CSMD1: variants seen among roughly 807,000 people sequenced by gnomAD.
CSMD1 encodes the protein CUB and Sushi multiple domains 1.
A neutral mutation model predicts 417.5 loss-of-function variants in CSMD1; 213 were observed. That is an observed-to-expected ratio of 0.51 (90% CI 0.46 to 0.57). CSMD1 has a LOEUF of 0.57. Among genes scored for constraint, CSMD1 ranks in the 20% least tolerant of loss-of-function variants. The pLI is 0.00. For synonymous variants in CSMD1, 2,862 were observed against 1,736.8 expected (o/e 1.65, Z -16.11); for missense variants, 6,923 against 4,529.7 (o/e 1.53, Z -15.17).
In CSMD1 at chr8:4,851,307, A is replaced by G. The variant is rs112272744; in HGVS notation, c.85+143025T>C. On this transcript the variant is annotated intron_variant, in intron 1 of 69. Coordinates refer to ENST00000635120, the MANE Select transcript of CSMD1 (RefSeq NM_033225.6). ...ATTTTTTATGACTGCATAGTATTCT[A>G]TGGTGTATACATGCCAACTTTTCTC... Among the ~76,000 whole-genome samples, 1,237 of 152,084 alleles carry G rather than the reference A, an allele frequency of 8.1e-3. 12 individuals carry two copies. The highest frequency in any genetic ancestry group is 0.029 in the African/African-American group (1,184 of 41,500).
chr8:4,114,090 G>A (rs888322856), intron 3 of CSMD1, among the ~76,000 whole-genome samples: 1 of 152,210 alleles, frequency 6.6e-6, no homozygotes, highest in Non-Finnish European at 1.5e-5. Context: ...ACAGCCTTAT[G>A]TAGGAAGAAG....
At chr8:4,371,023 G>T (rs1303192403) in intron 3 of CSMD1, among the ~76,000 whole-genome samples, 1 of 152,186 alleles carries the variant, frequency 6.6e-6, no homozygotes, top group Non-Finnish European at 1.5e-5. Context: ...CTAGGGTCTT[G>T]GAGTGGTTCA....
Position 3,343,394 on chromosome 8 carries a change from T to C in CSMD1, c.3531A>G (p.Glu1177=). The change falls in exon 23 of 70, where the codon GAA becomes GAG. Residue 1177 remains glutamate (E), a synonymous_variant. Transcript: ENST00000635120. ...SRPLGTFTKN[E]LLGLILNSTS... The stretch of plus-strand genomic sequence containing the variant: ...TGCTGTTTAGGATCAGCCCCAGAAG[T>C]TCATTTTTAGTGAACGTGCCCAGTG... 2 of 1,613,812 alleles carry C rather than the reference T, an allele frequency of 1.2e-6. No individual in the cohort carries two copies. Among genetic ancestry groups the C allele is most frequent in the Non-Finnish European group, 1.7e-6 (2 of 1,179,768 alleles).
intron 3 of CSMD1, among the ~76,000 whole-genome samples, chr8:4,377,880 T>A (rs755136559): frequency 5.3e-5 from 8 of 152,200 alleles, no homozygotes; most frequent in Non-Finnish European, 1.2e-4. Context: ...CCGAAATGAA[T>A]TGAATTAGTA....
intron 43 of CSMD1, among the ~76,000 whole-genome samples, chr8:3,109,599 G>A (rs1816370455): frequency 6.6e-6 from 1 of 152,022 alleles, no homozygotes; most frequent in Non-Finnish European, 1.5e-5. Context: ...CTGCCTGTCA[G>A]AGCCCAGGTG....
At chr8:3,887,291 T>C (rs1806631301) in intron 5 of CSMD1, among the ~76,000 whole-genome samples, 1 of 152,198 alleles carries the variant, frequency 6.6e-6, no homozygotes, top group Non-Finnish European at 1.5e-5. Flanking sequence ...AGGCCCACGG[T>C]ACATCCTCCC....
At chr8:4,032,702 G>C (rs527331119) in intron 3 of CSMD1, among the ~76,000 whole-genome samples, 25 of 152,270 alleles carry the variant, frequency 1.6e-4, no homozygotes, top group Middle Eastern at 6.8e-3. Flanking sequence ...GCCAGGCTCT[G>C]TCCATTTATA....
At chr8:4,897,328 A>G (rs1052567272) in intron 1 of CSMD1, among the ~76,000 whole-genome samples, 1 of 152,144 alleles carries the variant, frequency 6.6e-6, no homozygotes, top group Non-Finnish European at 1.5e-5. Context: ...TTTACCAAGT[A>G]TGCCAATATA....
At chr8:3,441,223 C>T (rs1369524526) in intron 12 of CSMD1, among the ~76,000 whole-genome samples, 1 of 152,068 alleles carries the variant, frequency 6.6e-6, no homozygotes, top group Non-Finnish European at 1.5e-5. Context: ...CATGGCTTTG[C>T]TGACACCTTG....
intron 17 of CSMD1, among the ~76,000 whole-genome samples, chr8:3,394,848 T>C (rs150383717): frequency 4.7e-4 from 71 of 152,318 alleles, no homozygotes; most frequent in African/African-American, 1.5e-3. Flanking sequence ...TATCTATATA[T>C]GTGAAGAGTA....
chr8:3,668,206 C>A (rs1473266312), intron 7 of CSMD1, among the ~76,000 whole-genome samples: 5 of 152,062 alleles, frequency 3.3e-5, no homozygotes, highest in Admixed American at 3.3e-4. Flanking sequence ...AATAAGGGAA[C>A]ATAGTAAAAC....
intron 4 of CSMD1, among the ~76,000 whole-genome samples, chr8:4,008,700 T>C (rs866207251): frequency 1.5e-5 from 2 of 133,308 alleles, no homozygotes; most frequent in Admixed American, 8.5e-5. Context: ...AAGCTCCCCA[T>C]CCCGGGTTCA....
At chr8:3,385,408 T>A (rs1364098561) in intron 18 of CSMD1, among the ~76,000 whole-genome samples, 5 of 151,620 alleles carry the variant, frequency 3.3e-5, no homozygotes, top group African/African-American at 1.2e-4. Context: ...TGCGGAAATC[T>A]ATTGACCTGT....
chr8:3,581,147 G>A (rs370294209), intron 9 of CSMD1, among the ~76,000 whole-genome samples: 1 of 152,100 alleles, frequency 6.6e-6, no homozygotes, highest in East Asian at 1.9e-4. Flanking sequence ...CGCCCCTAAA[G>A]ACTGATGGAA....
intron 2 of CSMD1, among the ~76,000 whole-genome samples, chr8:4,466,508 T>C (rs1449969357): frequency 1.3e-5 from 2 of 152,172 alleles, no homozygotes; most frequent in Non-Finnish European, 2.9e-5. Flanking sequence ...TGAAGTTTAT[T>C]GTTTAGAAGG....
intron 7 of CSMD1, among the ~76,000 whole-genome samples, chr8:3,665,233 T>G (rs1309755673): frequency 3.9e-5 from 6 of 152,164 alleles, no homozygotes; most frequent in Non-Finnish European, 8.8e-5. Flanking sequence ...TAAAATATAA[T>G]TTGTCAGCCA....
intron 22 of CSMD1, among the ~76,000 whole-genome samples, chr8:3,346,216 C>A (rs156078): frequency 0.98 from 149,919 of 152,272 alleles, 73,854 homozygotes; most frequent in Middle Eastern, 1. Flanking sequence ...TTTTTAAAAA[C>A]AACTTTTTGT....
chr8:4,188,821 A>G (rs1798840872), intron 3 of CSMD1, among the ~76,000 whole-genome samples: 1 of 150,414 alleles, frequency 6.6e-6, no homozygotes, highest in Admixed American at 6.7e-5. Flanking sequence ...GAGGATGGTA[A>G]TTGGGAGGGA....
chr8:3,581,340 C>T (rs1054363904), intron 9 of CSMD1, among the ~76,000 whole-genome samples: 7 of 152,150 alleles, frequency 4.6e-5, no homozygotes, highest in South Asian at 2.1e-4. Flanking sequence ...ATGAAGTAAG[C>T]GTAATTCCAA....
Sources: gnomAD v4.1 joint callset for allele counts (sites outside exome capture counted in the v4.1 genomes callset) on GRCh38, gnomAD v4.1.1 for gene constraint, MANE v1.5 for transcripts, NCBI Gene and HGNC (gene_info 2026-07-23, HGNC 2026-07-21) for gene names.